GOLIM4: variants seen among roughly 807,000 people sequenced by gnomAD.
GOLIM4 encodes golgi integral membrane protein 4, also known as 130 kDa golgi-localized phosphoprotein.
A neutral mutation model predicts 107.4 loss-of-function variants in GOLIM4; 71 were observed. That is an observed-to-expected ratio of 0.66 (90% CI 0.55 to 0.81). The LOEUF (loss-of-function observed/expected upper bound fraction) is 0.81, where lower values mean the gene tolerates loss of function less well. Ranked by LOEUF, GOLIM4 falls within the 30% of genes least tolerant of loss-of-function variation. The pLI, the probability that GOLIM4 is intolerant of heterozygous loss-of-function variation, is 0.00. For synonymous variants in GOLIM4, 327 were observed against 294.8 expected (o/e 1.11, Z -1.12); for missense variants, 830 against 826.1 (o/e 1.00, Z -0.06).
intron 2 of GOLIM4, 130 bp downstream of exon 2, chr3:168,048,161 T>C (rs1028825237): frequency 4.5e-6 from 3 of 661,596 alleles, no homozygotes; most frequent in Non-Finnish European, 8.3e-6. Flanking sequence ...CATGTCTTTC[T>C]CTGTCCACCT....
At position 168,010,818 on chromosome 3, in the gene GOLIM4, C is replaced by T; in HGVS notation, c.1866G>A (p.Gln622=). The T allele has an allele frequency of 1.2e-6, 2 of 1,607,810 alleles. No homozygotes were observed. Among genetic ancestry groups the T allele is most frequent in the Non-Finnish European group, 1.7e-6 (2 of 1,175,256 alleles). The part of the protein sequence containing the change: ...QYQEEAEEEV[Q]EDLTEEKKRE... ...TTTTTTTCTCTTCAGTCAAATCTTC[C>T]TGAACCTAAAACAAACCACAGATAT... The change falls in exon 15 of 16, where the codon CAG becomes CAA. Residue 622 remains glutamine, a synonymous_variant. Transcript: ENST00000470487.
chr3:168,065,525 A>G (rs193203756), intron 1 of GOLIM4, among the ~76,000 whole-genome samples: 109 of 152,330 alleles, frequency 7.2e-4, no homozygotes, highest in African/African-American at 2.6e-3. Flanking sequence ...ATGCGAACAC[A>G]TTATCCTTTT....
Position 168,041,471 on chromosome 3 carries a change from GTC to G in GOLIM4, c.519_520del (p.Glu173AspfsTer10). ...ATTCTCTTCTCTCAAATTGTATACAGTCTCTATTTTAGAAAAAGAAGGATCAC... is the reference window on the plus strand; with the variant it reads ...ATTCTCTTCTCTCAAATTGTATACAGTCTATTTTAGAAAAAGAAGGATCAC... On this transcript the variant is annotated frameshift_variant and splice_region_variant, in exon 6 of 16. Coordinates refer to ENST00000470487, the MANE Select transcript of GOLIM4 (RefSeq NM_014498.5). LOFTEE classifies it high-confidence loss of function. 6.8e-7 allele frequency: 1 copy of G among 1,477,758 alleles called. No homozygotes were observed. Among genetic ancestry groups the G allele is most frequent in the Non-Finnish European group, 9.4e-7 (1 of 1,059,636 alleles). The allele number at this position is 1,477,758 out of a possible 1,614,324, so 91.5% of individuals were successfully genotyped here. A position where few individuals can be genotyped will look rare whatever the true frequency, so the allele number is the denominator to read the frequency against.
chr3:168,083,037 A>T (rs1721449594), intron 1 of GOLIM4, among the ~76,000 whole-genome samples: 1 of 152,238 alleles, frequency 6.6e-6, no homozygotes, highest in Non-Finnish European at 1.5e-5. Context: ...TAACTAAACT[A>T]TGTTTAGGTG....
chr3:168,072,532 C>T (rs973995196), intron 1 of GOLIM4, among the ~76,000 whole-genome samples: 1 of 151,916 alleles, frequency 6.6e-6, no homozygotes, highest in African/African-American at 2.4e-5. Context: ...AGTAAAATAA[C>T]ACTCTGTTAA....
chr3:168,033,430 C>A (rs1223483374), intron 8 of GOLIM4, among the ~76,000 whole-genome samples: 1 of 127,250 alleles, frequency 7.9e-6, no homozygotes, highest in Admixed American at 7.3e-5. Flanking sequence ...ACAGTGAAAC[C>A]CCGTCTCTAC....
At chr3:168,048,437 A>C (rs937036555) in intron 1 of GOLIM4, 72 bp from the exon 2 acceptor site, 1 of 720,212 alleles carries the variant, frequency 1.4e-6, no homozygotes, top group African/African-American at 1.8e-5. Flanking sequence ...TCAATTTTTA[A>C]AACAGGAAGA....
intron 3 of GOLIM4, among the ~76,000 whole-genome samples, chr3:168,046,237 G>C (rs1301582999): frequency 6.6e-6 from 1 of 152,032 alleles, no homozygotes; most frequent in African/African-American, 2.4e-5. Flanking sequence ...ACTTTTCTTA[G>C]AGTAAGAAAA....
intron 1 of GOLIM4, among the ~76,000 whole-genome samples, chr3:168,086,681 A>G (rs1236272345): frequency 1.3e-5 from 2 of 152,226 alleles, no homozygotes; most frequent in East Asian, 3.8e-4. Flanking sequence ...TCATACGGCT[A>G]TAGAGAGCAA....
intron 1 of GOLIM4, among the ~76,000 whole-genome samples, chr3:168,056,714 C>T (rs1719992887): frequency 6.6e-6 from 1 of 152,120 alleles, no homozygotes; most frequent in Non-Finnish European, 1.5e-5. Flanking sequence ...TGCGTGGGGC[C>T]CCCAGCCCTT....
In GOLIM4 at chr3:168,066,923, C is replaced by T. The variant is rs954596842; in HGVS notation, c.188-18558G>A. Among the ~76,000 whole-genome samples the T allele has an allele frequency of 2.6e-5, 4 of 152,116 alleles. No individual in the cohort carries two copies. The East Asian group carries it at 5.8e-4, about 22-fold the overall frequency. On this transcript the variant is annotated intron_variant, in intron 1 of 15. Transcript: ENST00000470487. Reference sequence around the variant, plus strand: ...GTTATTTCATAAGAAAAATAAATCACTTAACATGGTAGTTCTTGTGAGTGT... The same window carrying T: ...GTTATTTCATAAGAAAAATAAATCATTTAACATGGTAGTTCTTGTGAGTGT...
chr3:168,019,795 C>T (rs1717583411), intron 14 of GOLIM4, among the ~76,000 whole-genome samples: 1 of 152,262 alleles, frequency 6.6e-6, no homozygotes, highest in Non-Finnish European at 1.5e-5. Flanking sequence ...GAGGCACACA[C>T]ATTTATTTGT....
chr3:168,074,272 T>C (rs1720965704), intron 1 of GOLIM4, among the ~76,000 whole-genome samples: 1 of 152,164 alleles, frequency 6.6e-6, no homozygotes, highest in Admixed American at 6.5e-5. Context: ...CTCAGGAAAC[T>C]GTGTGAAATA....
chr3:168,019,783 A>G (rs1272159610), intron 14 of GOLIM4, among the ~76,000 whole-genome samples: 1 of 152,212 alleles, frequency 6.6e-6, no homozygotes, highest in Non-Finnish European at 1.5e-5. Context: ...AAATCACATC[A>G]GGAGGCACAC....
chr3:168,041,419 G>T lies in GOLIM4; in HGVS notation c.573C>A (p.Asp191Glu). ...ENRQLRKAHQDIHTQLQDVKQ... is the reference protein window; with the variant it reads ...ENRQLRKAHQEIHTQLQDVKQ... ...TGACATCTTGAAGCTGTGTATGTAT[G>T]TCTTGGTGTGCTTTCCTTAGTTGTC... The change falls in exon 6 of 16, where the codon GAC (aspartate) becomes GAA (glutamate). Residue 191 changes from aspartate to glutamate, a missense_variant. Coordinates refer to ENST00000470487, the MANE Select transcript of GOLIM4 (RefSeq NM_014498.5). The T allele has an allele frequency of 1.3e-6, 2 of 1,593,068 alleles. No homozygotes were observed. The highest frequency in any genetic ancestry group is 1.7e-6 in the Non-Finnish European group (2 of 1,161,780).
rs1477939973 is a variant in GOLIM4 at position 168,008,842 on chromosome 3, G to A, written c.*1427C>T. On this transcript the variant is annotated 3_prime_UTR_variant, in exon 16 of 16. Coordinates refer to ENST00000470487, the MANE Select transcript of GOLIM4 (RefSeq NM_014498.5). Reference sequence around the variant, plus strand: ...TATTATACATTTTACATTACATAATGGGTTTTTATACATAAAGGTAAGATT... The same window carrying A: ...TATTATACATTTTACATTACATAATAGGTTTTTATACATAAAGGTAAGATT... 3 of 151,756 alleles carry A rather than the reference G, an allele frequency of 2.0e-5. No homozygotes were observed. Among genetic ancestry groups the A allele is most frequent in the Admixed American group, 6.6e-5 (1 of 15,236 alleles). The allele number at this position is 151,756 out of a possible 1,614,324, so 9.4% of individuals were successfully genotyped here.
chr3:168,029,217 C>T lies in GOLIM4; in HGVS notation c.1513+6G>A, dbSNP rs1404993571. On this transcript the variant is annotated splice_donor_region_variant and intron_variant, in intron 11 of 15. Coordinates refer to ENST00000470487, the MANE Select transcript of GOLIM4 (RefSeq NM_014498.5). ...AAAACATTCATCATCTAGGAAGTCT[C>T]ACCACCTCCTTCCTCTCCTTGGATT... The T allele has an allele frequency of 6.4e-7, 1 of 1,557,852 alleles. No homozygotes were observed. The highest frequency in any genetic ancestry group is 1.7e-5 in the Admixed American group (1 of 59,666).
intron 1 of GOLIM4, among the ~76,000 whole-genome samples, chr3:168,072,377 T>TAAA (rs547225724): frequency 1.5e-5 from 2 of 130,030 alleles, no homozygotes; most frequent in Admixed American, 1.6e-4. Flanking sequence ...AGATGTGATT[T>TAAA]AAAAAAAAAA....
At chr3:168,028,687 G>T (rs980317420) in intron 11 of GOLIM4, among the ~76,000 whole-genome samples, 8 of 152,158 alleles carry the variant, frequency 5.3e-5, no homozygotes, top group African/African-American at 1.9e-4. Context: ...TATCACAACG[G>T]GCTATTGAGG....
Sources: gnomAD v4.1 joint callset for allele counts (sites outside exome capture counted in the v4.1 genomes callset) on GRCh38, gnomAD v4.1.1 for gene constraint, MANE v1.5 for transcripts, NCBI Gene and HGNC (gene_info 2026-07-23, HGNC 2026-07-21) for gene names.